The following GRK1 variants were observed in gnomAD, a reference collection of about 807,000 sequenced individuals.
GRK1 encodes the protein G protein-coupled receptor kinase 1, also known as rhodopsin kinase GRK1.
GRK1 carries 28 observed loss-of-function variants against 41.7 expected under a neutral mutation model. That is an observed-to-expected ratio of 0.67 (90% CI 0.50 to 0.92). GRK1 has a LOEUF of 0.92. Ranked by LOEUF, GRK1 falls within the 40% of genes least tolerant of loss-of-function variation. GRK1 has a pLI of 0.00. For synonymous variants in GRK1, 327 were observed against 286.7 expected (o/e 1.14, Z -1.42); for missense variants, 703 against 671.2 (o/e 1.05, Z -0.52).
intron 4 of GRK1, among the ~76,000 whole-genome samples, chr13:113,727,966 G>T (rs1299998309): frequency 1.3e-4 from 8 of 63,050 alleles, no homozygotes; most frequent in Admixed American, 2.1e-4. Flanking sequence ...TGGTGATGAG[G>T]ACCCATGGCG....
the GRK1 span, chr13:113,649,077 C>A: frequency 4.0e-6 from 1 of 250,976 alleles, no homozygotes; most frequent in East Asian, 9.9e-5. This position sits in a 1 kb window ranked among gnomAD's most constrained non-coding sequence, Gnocchi z 4.7. Flanking sequence ...GAAGACGAAT[C>A]GTTTTTATGA....
rs751856147 is a variant in GRK1 at position 113,671,581 on chromosome 13, G to A, written c.910G>A (p.Gly304Ser). ...CTTCTACACGGCGCAGATCATCTGC[G>A]GCCTGGAGCACCTGCACCAGAGGCG... is the stretch of plus-strand genomic sequence containing the variant. Reference protein sequence around the residue: ...ALFYTAQIICGLEHLHQRRIV... With the variant: ...ALFYTAQIICSLEHLHQRRIV... Residue 304 changes from glycine to serine, a missense_variant, in exon 3 of 7, where the codon GGC becomes AGC. Transcript: ENST00000335678. The surrounding 1 kb of genome is among the most constrained non-coding windows in gnomAD (Gnocchi z 4.1). 4.0e-5 allele frequency: 31 copies of A among 776,138 alleles called. No homozygotes were observed. Among genetic ancestry groups the A allele is most frequent in the East Asian group, 3.4e-4 (14 of 41,256 alleles). 48.1% of individuals were successfully genotyped at this position (776,138 alleles called of 1,614,324 possible).
chr13:113,665,699 A>C (rs2049813387), upstream of GRK1, among the ~76,000 whole-genome samples: 1 of 143,976 alleles, frequency 6.9e-6, no homozygotes. Context: ...CAGCTGTCTC[A>C]GGTGTGCCCC....
the GRK1 span, chr13:113,649,086 G>T: frequency 3.7e-6 from 1 of 268,244 alleles, no homozygotes; most frequent in Non-Finnish European, 7.2e-6. The surrounding 1 kb of genome is among the most constrained non-coding windows in gnomAD (Gnocchi z 4.7). Context: ...TCGTTTTTAT[G>T]ACCTGGTTAA....
At chr13:113,725,315 G>A (rs1348353855) in intron 4 of GRK1, among the ~76,000 whole-genome samples, 3 of 149,608 alleles carry the variant, frequency 2.0e-5, no homozygotes, top group Non-Finnish European at 4.4e-5. Context: ...TGAGGTCAGG[G>A]GCGGGATCCA....
Position 113,735,525 on chromosome 13 carries a change from C to G in GRK1, c.*162C>G. On this transcript the variant is annotated 3_prime_UTR_variant, in exon 7 of 7. Coordinates refer to ENST00000335678, the MANE Select transcript of GRK1 (RefSeq NM_002929.3). Reference sequence around the variant, plus strand: ...TCCTTGCGGCCCAAGGAGGAGAAAGCCCACATCGGCCTGAGCCGCCAGACG... The same window carrying G: ...TCCTTGCGGCCCAAGGAGGAGAAAGGCCACATCGGCCTGAGCCGCCAGACG... The G allele has an allele frequency of 8.1e-6, 6 of 740,616 alleles. No homozygotes were observed. The highest frequency in any genetic ancestry group is 1.2e-5 in the Non-Finnish European group (6 of 494,872). 45.9% of individuals were successfully genotyped at this position (740,616 alleles called of 1,614,324 possible). A position where few individuals can be genotyped will look rare whatever the true frequency, so the allele number is the denominator to read the frequency against.
the GRK1 span, chr13:113,654,835 G>C: frequency 1.9e-5 from 31 of 1,614,020 alleles, no homozygotes; most frequent in Non-Finnish European, 2.5e-5. Flanking sequence ...AGCTGGTCTT[G>C]GTAGTCCGGT....
chr13:113,725,284 CG>C (rs2049884299), intron 4 of GRK1, among the ~76,000 whole-genome samples: 1 of 151,000 alleles, frequency 6.6e-6, no homozygotes, highest in Non-Finnish European at 1.5e-5. Context: ...AGGGCGGGGC[CG>C]GTCATGCGCG....
the GRK1 span, among the ~76,000 whole-genome samples, chr13:113,660,686 TA>T: frequency 1.3e-5 from 2 of 152,114 alleles, no homozygotes; most frequent in Non-Finnish European, 2.9e-5. Flanking sequence ...GCATCTCTGC[TA>T]AAAAATTAAA....
the GRK1 span, among the ~76,000 whole-genome samples, chr13:113,658,655 T>C: frequency 6.6e-6 from 1 of 152,186 alleles, no homozygotes; most frequent in East Asian, 1.9e-4. Context: ...GCCCCGATTC[T>C]GGGTCACCCA....
At chr13:113,667,215 T>C, upstream of GRK1, 1 of 651,194 alleles carries the variant, frequency 1.5e-6, no homozygotes, top group East Asian at 2.8e-5. The surrounding 1 kb of genome is among the most constrained non-coding windows in gnomAD (Gnocchi z 7.5). Flanking sequence ...CCCAGGGGCT[T>C]CCCAGTGGTC....
chr13:113,649,378 T>A, the GRK1 span: 786 of 1,593,688 alleles, frequency 4.9e-4, 1 homozygote, highest in Middle Eastern at 4.0e-3. The surrounding 1 kb of genome is among the most constrained non-coding windows in gnomAD (Gnocchi z 4.7). Flanking sequence ...ACCGTTTCAC[T>A]TCTCAATCTT....
chr13:113,735,078 G>A lies in GRK1; in HGVS notation c.1407G>A (p.Met469Ile), dbSNP rs150958245. The part of the protein sequence containing the change: ...NWRQLEAGML[M>I]PPFIPDSKTV... Reference sequence around the variant, plus strand: ...TTCTGTCTCCCACAGGGATGCTGATGCCCCCTTTCATCCCAGACTCCAAAA... The same window carrying A: ...TTCTGTCTCCCACAGGGATGCTGATACCCCCTTTCATCCCAGACTCCAAAA... Residue 469 changes from methionine to isoleucine, a missense_variant, in exon 7 of 7, where the codon ATG (methionine) becomes ATA (isoleucine). Physicochemically the swap from Met to Ile is conservative, Grantham distance 10. Coordinates refer to ENST00000335678, the MANE Select transcript of GRK1 (RefSeq NM_002929.3). 148 of 1,515,564 alleles carry A rather than the reference G, an allele frequency of 9.8e-5. No individual in the cohort carries two copies. In the East Asian group the frequency reaches 3.3e-3, roughly 34 times the overall value. 93.9% of individuals were successfully genotyped at this position (1,515,564 alleles called of 1,614,324 possible). A position where few individuals can be genotyped will look rare whatever the true frequency, so the allele number is the denominator to read the frequency against.
chr13:113,669,555 C>A, intron 1 of GRK1, 132 bp from the exon 2 acceptor site: 1 of 1,048,620 alleles, frequency 9.5e-7, no homozygotes, highest in Non-Finnish European at 1.4e-6. Context: ...TTGTGAAAGG[C>A]GCATTTAAAG....
intron 4 of GRK1, 111 bp downstream of exon 4, chr13:113,723,268 G>C (rs2049868039): frequency 3.6e-6 from 2 of 548,918 alleles, no homozygotes; most frequent in Non-Finnish European, 3.4e-6. Context: ...ATATAGGTGT[G>C]TCTGTGTGCA....
At chr13:113,666,890 C>T (rs910444843), upstream of GRK1, among the ~76,000 whole-genome samples, 2 of 152,188 alleles carry the variant, frequency 1.3e-5, no homozygotes, top group Admixed American at 6.5e-5. Context: ...CTTCCGGCTC[C>T]ATCCTCTCCG....
chr13:113,650,421 G>T, the GRK1 span: 9 of 1,613,894 alleles, frequency 5.6e-6, no homozygotes, highest in Non-Finnish European at 7.6e-6. The surrounding 1 kb of genome is among the most constrained non-coding windows in gnomAD (Gnocchi z 5.0). Flanking sequence ...CTTTCTTCCC[G>T]TAATAAGGGA....
the GRK1 span, among the ~76,000 whole-genome samples, chr13:113,657,688 G>A: frequency 6.6e-5 from 10 of 152,360 alleles, no homozygotes; most frequent in South Asian, 6.2e-4. Flanking sequence ...AGGAATCACC[G>A]TTGCCACCTT....
the GRK1 span, chr13:113,652,743 G>T: frequency 9.6e-7 from 1 of 1,043,942 alleles, no homozygotes; most frequent in Non-Finnish European, 1.5e-6. Context: ...GTACAGGGTG[G>T]TGAGGCTGGA....
Sources: allele counts gnomAD v4.1 joint callset (sites outside exome capture counted in the v4.1 genomes callset), GRCh38; gene constraint gnomAD v4.1.1; non-coding constraint Gnocchi (gnomAD v3.1); transcripts MANE v1.5; gene names NCBI Gene and HGNC (gene_info 2026-07-23, HGNC 2026-07-21).